Variants in PLCG2 observed in about 807,000 individuals in gnomAD.
The protein encoded by PLCG2 is phospholipase C gamma 2.
PLCG2 carries 69 observed loss-of-function variants against 175.6 expected under a neutral mutation model. The observed-to-expected ratio is 0.39, with a 90% CI of 0.32 to 0.48. The LOEUF is 0.48. Ranked by LOEUF, PLCG2 falls within the 20% of genes least tolerant of loss-of-function variation. The pLI is 0.91. For synonymous variants in PLCG2, 827 were observed against 624.0 expected (o/e 1.33, Z -4.85); for missense variants, 1,798 against 1,650.9 (o/e 1.09, Z -1.54).
chr16:81,779,076 C>A (rs1241346016), upstream of PLCG2, among the ~76,000 whole-genome samples: 7 of 152,230 alleles, frequency 4.6e-5, no homozygotes, highest in Non-Finnish European at 7.3e-5. Context: ...GGTAGCCTCC[C>A]CTCGGGTTGC....
rs1457847980 is a variant in PLCG2 at position 81,880,769 on chromosome 16, A to G, written c.649-141A>G. ...TTTCTGTTATATTTGAATATTTACA[A>G]CTAACATCAACTAAAATGATATTTT... On this transcript the variant is annotated intron_variant, in intron 7 of 32. Coordinates refer to ENST00000564138, the MANE Select transcript of PLCG2 (RefSeq NM_002661.5). The G allele has an allele frequency of 2.8e-5, 20 of 725,288 alleles. 1 individual carries two copies. The highest frequency in any genetic ancestry group is 2.0e-4 in the South Asian group (11 of 54,818). 44.9% of individuals were successfully genotyped at this position (725,288 alleles called of 1,614,324 possible).
chr16:81,876,016 C>CTTTTTTTTTTTTT (rs547152035), intron 7 of PLCG2, among the ~76,000 whole-genome samples: 58 of 115,006 alleles, frequency 5.0e-4, no homozygotes, highest in Non-Finnish European at 7.0e-4. Flanking sequence ...CTTTTTCTTT[C>CTTTTTTTTTTTTT]TTTTTTTTTT....
intron 2 of PLCG2, among the ~76,000 whole-genome samples, chr16:81,838,074 G>C (rs1905617523): frequency 1.5e-5 from 2 of 132,364 alleles, no homozygotes; most frequent in South Asian, 5.0e-4. Flanking sequence ...GTCTTTGAAA[G>C]ATACTAATTT....
chr16:81,747,228 G>C (rs1909723302), intron 1 of PLCG2, among the ~76,000 whole-genome samples: 1 of 152,118 alleles, frequency 6.6e-6, no homozygotes, highest in South Asian at 2.1e-4. Flanking sequence ...TTTTCAAAAT[G>C]ACAAAAGTTT....
chr16:81,761,868 G>A (rs1597305828), intron 2 of PLCG2, among the ~76,000 whole-genome samples: 1 of 129,068 alleles, frequency 7.7e-6, no homozygotes, highest in Non-Finnish European at 1.6e-5. Context: ...GTCTTGTTCT[G>A]TCACCCAGGC....
intron 8 of PLCG2, among the ~76,000 whole-genome samples, chr16:81,882,214 G>A (rs2143572520): frequency 6.6e-6 from 1 of 152,316 alleles, no homozygotes; most frequent in Non-Finnish European, 1.5e-5. Flanking sequence ...ATCCAACCCG[G>A]GGGTGGCTCG....
intron 18 of PLCG2, 105 bp downstream of exon 18, chr16:81,910,825 C>A: frequency 9.6e-7 from 1 of 1,041,936 alleles, no homozygotes. Context: ...CCAGGACACC[C>A]TCTCCCCAGC....
rs1398421498 is a variant in PLCG2 at position 81,828,544 on chromosome 16, C to T, written c.194-25900C>T. ...TGAGCCACCGCACCCGGCCGAGAAGCGTCATTTTTATTCTGTGCTGTGGTG... is the reference window on the plus strand; with the variant it reads ...TGAGCCACCGCACCCGGCCGAGAAGTGTCATTTTTATTCTGTGCTGTGGTG... On this transcript the variant is annotated intron_variant, in intron 2 of 32. Transcript: ENST00000564138. Among the ~76,000 whole-genome samples, 8 of 152,162 alleles carry T rather than the reference C, an allele frequency of 5.3e-5. No homozygotes were observed. In the South Asian group the frequency reaches 1.7e-3, roughly 32 times the overall value.
rs1232114239 is a variant in PLCG2 at position 81,929,639 on chromosome 16, G to C, written c.2581+1015G>C. The stretch of plus-strand genomic sequence containing the variant: ...TCAAACTGCTGACCTCAAGTGATCT[G>C]CCTGCCTTAGCCTCCCAAAGTGCTG... On this transcript the variant is annotated intron_variant, in intron 24 of 32. Transcript: ENST00000564138. Among the ~76,000 whole-genome samples, 3 of 152,166 alleles carry C rather than the reference G, an allele frequency of 2.0e-5. No homozygotes were observed. The East Asian group carries it at 5.8e-4, about 29-fold the overall frequency.
At chr16:81,781,880 G>GAT (rs1910751273) in intron 1 of PLCG2, among the ~76,000 whole-genome samples, 3 of 6,920 alleles carry the variant, frequency 4.3e-4, no homozygotes, top group Admixed American at 1.6e-3. Context: ...CCCCCCCCCC[G>GAT]CCCGCCCCCG....
chr16:81,863,982 C>G (rs1253944674), intron 5 of PLCG2, among the ~76,000 whole-genome samples: 4 of 152,148 alleles, frequency 2.6e-5, no homozygotes, highest in African/African-American at 9.7e-5. Context: ...TTGGCAGAGC[C>G]ACGGCAGTAG....
chr16:81,881,854 G>C (rs1297090293), intron 8 of PLCG2, among the ~76,000 whole-genome samples: 1 of 149,442 alleles, frequency 6.7e-6, no homozygotes, highest in South Asian at 2.1e-4. Flanking sequence ...GTTTCACCAT[G>C]TTGGCCAGTC....
At chr16:81,899,111 C>T (rs1416204169) in intron 13 of PLCG2, among the ~76,000 whole-genome samples, 1 of 152,134 alleles carries the variant, frequency 6.6e-6, no homozygotes, top group African/African-American at 2.4e-5. Context: ...ATTGCTTGAA[C>T]TTGGGAGGCG....
At chr16:81,803,633 T>TTCCCTCCGTCCCTCCC (rs1911853761) in intron 2 of PLCG2, among the ~76,000 whole-genome samples, 1 of 88,572 alleles carries the variant, frequency 1.1e-5, no homozygotes, top group Non-Finnish European at 2.3e-5. Flanking sequence ...TCTTTTCTTC[T>TTCCCTCCGTCCCTCCC]TCCCTCCCTC....
chr16:81,921,405 T>C lies in PLCG2; in HGVS notation c.2307+136T>C, dbSNP rs767868905. ...TGGCCAAAATAATTTTTTTTTTTTT[T>C]TGAGAAGAAAGGATGATTGATAATA... On this transcript the variant is annotated intron_variant, in intron 21 of 32. Coordinates refer to ENST00000564138, the MANE Select transcript of PLCG2 (RefSeq NM_002661.5). 3.0e-5 allele frequency: 21 copies of C among 701,494 alleles called. No individual in the cohort carries two copies. In the Admixed American group the frequency reaches 4.1e-4, roughly 14 times the overall value. The allele number at this position is 701,494 out of a possible 1,614,324, so 43.5% of individuals were successfully genotyped here.
intron 2 of PLCG2, among the ~76,000 whole-genome samples, chr16:81,827,990 T>C (rs905420804): frequency 4.7e-5 from 7 of 148,386 alleles, no homozygotes; most frequent in African/African-American, 1.7e-4. Flanking sequence ...TTTGAGAGGC[T>C]GAGGAAGGAG....
At chr16:81,867,645 A>G (rs1445196946) in intron 5 of PLCG2, among the ~76,000 whole-genome samples, 2 of 151,746 alleles carry the variant, frequency 1.3e-5, no homozygotes, top group Non-Finnish European at 2.9e-5. Flanking sequence ...TACTATTGTT[A>G]CTGCTGCTGC....
chr16:81,784,631 T>C (rs1297575983), intron 1 of PLCG2, among the ~76,000 whole-genome samples: 1 of 152,162 alleles, frequency 6.6e-6, no homozygotes, highest in African/African-American at 2.4e-5. Context: ...GAACAAATAA[T>C]GGTAATTTTA....
intron 31 of PLCG2, among the ~76,000 whole-genome samples, chr16:81,953,017 A>AGAAG (rs1480752438): frequency 6.6e-6 from 1 of 152,242 alleles, no homozygotes; most frequent in East Asian, 1.9e-4. Context: ...TGAGACGCTG[A>AGAAG]GAAGGGTACA....
Sources: allele counts gnomAD v4.1 joint callset (sites outside exome capture counted in the v4.1 genomes callset), GRCh38; gene constraint gnomAD v4.1.1; transcripts MANE v1.5; gene names NCBI Gene and HGNC (gene_info 2026-07-23, HGNC 2026-07-21).